PCDHA3: variants seen among roughly 807,000 people sequenced by gnomAD.
PCDHA3 encodes the protein protocadherin alpha-3.
Under a neutral mutation model 62.2 loss-of-function variants are expected in PCDHA3, and 41 were observed. The observed-to-expected ratio is 0.66, with a 90% confidence interval of 0.51 to 0.86. The LOEUF is 0.86. Ranked by LOEUF, PCDHA3 falls within the 40% of genes least tolerant of loss-of-function variation. PCDHA3 has a pLI of 0.00. For synonymous variants in PCDHA3, 640 were observed against 555.4 expected, an observed-to-expected ratio of 1.15 and a Z score of -2.14; for missense variants, 1,304 against 1,241.2, an observed-to-expected ratio of 1.05 and a Z score of -0.76.
At chr5:140,951,034 A>G (rs1407307131) in intron 1 of PCDHA3, among the ~76,000 whole-genome samples, 1 of 151,932 alleles carries the variant, frequency 6.6e-6, no homozygotes, top group African/African-American at 2.4e-5. Context: ...TTAATTTCAA[A>G]TATTATATTT....
chr5:140,869,757 A>G, intron 1 of PCDHA3: 3 of 1,613,264 alleles, frequency 1.9e-6, no homozygotes, highest in Non-Finnish European at 2.5e-6. Flanking sequence ...CAGACGGGGG[A>G]AAACCAGAGC....
chr5:140,851,304 C>T (rs2042021311), intron 1 of PCDHA3: 1 of 1,006,386 alleles, frequency 9.9e-7, no homozygotes, highest in East Asian at 6.6e-5. Context: ...AAATATATAG[C>T]AATTGTTACC....
rs781982422 is a variant in PCDHA3 at position 140,871,325 on chromosome 5, C to T, written c.2394+67734C>T. 4 of 1,613,988 alleles carry T rather than the reference C, an allele frequency of 2.5e-6. No individual in the cohort carries two copies. Among genetic ancestry groups the T allele is most frequent in the Non-Finnish European group, 3.4e-6 (4 of 1,180,038 alleles). On this transcript the variant is annotated intron_variant, in intron 1 of 3. Coordinates refer to ENST00000522353, the MANE Select transcript of PCDHA3 (RefSeq NM_018906.3). ...CCGGGGAAGCCCACGCTGGTGTGCTCCCGCGCGGTGGGGAGCTGGTCATAC... is the reference window on the plus strand; with the variant it reads ...CCGGGGAAGCCCACGCTGGTGTGCTTCCGCGCGGTGGGGAGCTGGTCATAC...
At chr5:140,867,891 G>A (rs1468636250) in intron 1 of PCDHA3, 1 of 152,016 alleles carries the variant, frequency 6.6e-6, no homozygotes, top group Non-Finnish European at 1.5e-5. Flanking sequence ...CACAATATCA[G>A]GTACTTACAG....
chr5:140,824,083 G>C (rs2150132035), intron 1 of PCDHA3: 7 of 1,614,188 alleles, frequency 4.3e-6, no homozygotes, highest in Non-Finnish European at 5.9e-6. Context: ...AGACCTCATG[G>C]CCTTCAGTCC....
In PCDHA3 at chr5:140,801,381, C is replaced by G. The variant is rs782738715; in HGVS notation, c.184C>G (p.Arg62Gly). 6.2e-7 allele frequency: 1 copy of G among 1,613,546 alleles called. No individual in the cohort carries two copies. Among genetic ancestry groups the G allele is most frequent in the South Asian group, 1.1e-5 (1 of 91,046 alleles). The change falls in exon 1 of 4, where the codon CGC becomes GGC. Residue 62 changes from arginine (R) to glycine (G), a missense_variant. Physicochemically the swap from Arg to Gly is moderately radical, Grantham distance 125. Transcript: ENST00000522353. ...GCTGGAGCTGGCGGAGCTGGTGCCG[C>G]GCCTGTTCCGGGTGGCGTCCAAAAG... ...LGLELAELVP[R>G]LFRVASKRHG...
At position 140,856,173 on chromosome 5, in the gene PCDHA3, C is replaced by A. The variant is rs782775861; in HGVS notation, c.2394+52582C>A. The stretch of plus-strand genomic sequence containing the variant: ...GTCTACGAGGAGGCCAGACACGGCA[C>A]CTTCGTGGGCCGCATCGCGCAGGAC... On this transcript the variant is annotated intron_variant, in intron 1 of 3. Coordinates refer to ENST00000522353, the MANE Select transcript of PCDHA3 (RefSeq NM_018906.3). The A allele has an allele frequency of 1.1e-5, 17 of 1,598,116 alleles. 1 individual carries two copies. The highest frequency in any genetic ancestry group is 3.4e-4 in the Middle Eastern group (2 of 5,954).
chr5:141,009,690 T>G lies in PCDHA3; in HGVS notation c.2606T>G (p.Phe869Cys). The G allele has an allele frequency of 6.2e-7, 1 of 1,614,068 alleles. No homozygotes were observed. The highest frequency in any genetic ancestry group is 8.5e-7 in the Non-Finnish European group (1 of 1,180,024). The change falls in exon 4 of 4, where the codon TTT (phenylalanine) becomes TGT (cysteine). Residue 869 changes from phenylalanine to cysteine, a missense_variant. Phe to Cys is a radical substitution (Grantham distance 205). Coordinates refer to ENST00000522353, the MANE Select transcript of PCDHA3 (RefSeq NM_018906.3). ...GGTGTCAACAGCAACAGCTGGACCT[T>G]TAAATACGGACCAGGCAACCCCAAA... ...GAGVNSNSWT[F>C]KYGPGNPKQS...
chr5:140,870,734 T>A (rs782055886), intron 1 of PCDHA3: 1 of 1,613,458 alleles, frequency 6.2e-7, no homozygotes. Flanking sequence ...GTGCCGCCTC[T>A]GAGCAGCAAC....
chr5:140,869,928 A>T, intron 1 of PCDHA3: 1 of 1,611,724 alleles, frequency 6.2e-7, no homozygotes, highest in Non-Finnish European at 8.5e-7. Flanking sequence ...GAGTCAATGG[A>T]GAGGTAACAT....
In PCDHA3 at chr5:140,801,420, C is replaced by A. The variant is rs528555541; in HGVS notation, c.223C>A (p.Leu75Met). Residue 75 changes from leucine to methionine, a missense_variant, in exon 1 of 4, where the codon CTG becomes ATG. By Grantham distance (15) the Leu-to-Met change is conservative. Transcript: ENST00000522353. The part of the protein sequence containing the change: ...RVASKRHGDL[L>M]EVNLQNGILF... ...GGCGTCCAAAAGACACGGGGACCTT[C>A]TGGAGGTAAATCTGCAGAATGGCAT... 6.2e-7 allele frequency: 1 copy of A among 1,613,826 alleles called. No homozygotes were observed. The highest frequency in any genetic ancestry group is 8.5e-7 in the Non-Finnish European group (1 of 1,180,024).
chr5:140,869,302 G>A, intron 1 of PCDHA3: 5 of 1,613,642 alleles, frequency 3.1e-6, no homozygotes, highest in Non-Finnish European at 4.2e-6. Flanking sequence ...GTTCCGGGTG[G>A]CGTCCAAAAC....
At chr5:140,840,358 G>A (rs1180450322) in intron 1 of PCDHA3, among the ~76,000 whole-genome samples, 1 of 151,928 alleles carries the variant, frequency 6.6e-6, no homozygotes, top group East Asian at 1.9e-4. Flanking sequence ...AGGTAAAAAT[G>A]TCAGGTAGAA....
At chr5:141,004,952 C>T (rs543938360) in intron 3 of PCDHA3, among the ~76,000 whole-genome samples, 52 of 152,346 alleles carry the variant, frequency 3.4e-4, no homozygotes, top group African/African-American at 1.2e-3. Context: ...TACCCTCTCT[C>T]GTCACTGCCT....
intron 1 of PCDHA3, chr5:140,870,562 G>A: frequency 6.2e-7 from 1 of 1,613,996 alleles, no homozygotes; most frequent in Non-Finnish European, 8.5e-7. Context: ...GCAGGAGAAC[G>A]CGCTGGTGTC....
intron 1 of PCDHA3, among the ~76,000 whole-genome samples, chr5:140,896,352 A>G (rs1045413506): frequency 2.6e-5 from 4 of 152,166 alleles, no homozygotes; most frequent in African/African-American, 4.8e-5. Flanking sequence ...TCCCGCCAGC[A>G]GTGTATAAGC....
rs782699904 is a variant in PCDHA3 at position 140,969,414 on chromosome 5, G to A, written c.2395-9535G>A. The A allele has an allele frequency of 6.4e-6, 10 of 1,566,012 alleles. No homozygotes were observed. The Admixed American group carries it at 1.3e-4, about 21-fold the overall frequency. On this transcript the variant is annotated intron_variant, in intron 1 of 3. Coordinates refer to ENST00000522353, the MANE Select transcript of PCDHA3 (RefSeq NM_018906.3). ...ATATCCTGTGATTTGGCTTTATTGA[G>A]TCATTAACAGTGACAAGAGTTATCT...
At chr5:140,861,658 G>T (rs913348410) in intron 1 of PCDHA3, 2 of 268,996 alleles carry the variant, frequency 7.4e-6, no homozygotes, top group Non-Finnish European at 1.5e-5. Context: ...TTTCTGAAAC[G>T]AGAGCTCTTG....
intron 1 of PCDHA3, chr5:140,871,391 C>T: frequency 6.2e-7 from 1 of 1,614,170 alleles, no homozygotes; most frequent in Non-Finnish European, 8.5e-7. Flanking sequence ...GAGGAGGGCC[C>T]ACCTAAGACG....
Sources: gnomAD v4.1 joint callset for allele counts (sites outside exome capture counted in the v4.1 genomes callset) on GRCh38, gnomAD v4.1.1 for gene constraint, MANE v1.5 for transcripts, NCBI Gene and HGNC (gene_info 2026-07-23, HGNC 2026-07-21) for gene names.